TMED3: variants seen among roughly 807,000 people sequenced by gnomAD.
The protein encoded by TMED3 is transmembrane emp24 domain-containing protein 3.
A neutral mutation model predicts 15.0 loss-of-function variants in TMED3; 9 were observed. That is an observed-to-expected ratio of 0.60 (90% CI 0.36 to 1.04). The LOEUF (loss-of-function observed/expected upper bound fraction) is 1.04. Among genes scored for constraint, TMED3 ranks in the 50% least tolerant of loss-of-function variants. TMED3 has a pLI of 0.01. For synonymous variants in TMED3, 117 were observed against 121.4 expected (o/e 0.96, Z 0.24); for missense variants, 267 against 278.9 (o/e 0.96, Z 0.30).
intron 2 of TMED3, among the ~76,000 whole-genome samples, chr15:79,386,756 CCAGA>C (rs1198530710): frequency 7.2e-6 from 1 of 138,348 alleles, no homozygotes; most frequent in Non-Finnish European, 1.5e-5. Flanking sequence ...ACCATGTTGG[CCAGA>C]CTGGTCTTGA....
chr15:79,384,733 A>C (rs1244404821), intron 2 of TMED3: 1 of 152,254 alleles, frequency 6.6e-6, no homozygotes, highest in Non-Finnish European at 1.5e-5. Context: ...ATATTTTTAA[A>C]AACCCAGTCT....
At chr15:79,353,056 TGTATATATAAAA>T (rs1266871415) in intron 2 of TMED3, among the ~76,000 whole-genome samples, 4 of 104,472 alleles carry the variant, frequency 3.8e-5, no homozygotes, top group African/African-American at 4.0e-5. Flanking sequence ...ATATAAAAAA[TGTATATATAAAA>T]ATATATATTA....
chr15:79,343,225 A>G (rs2058857711), intron 2 of TMED3, among the ~76,000 whole-genome samples: 1 of 152,176 alleles, frequency 6.6e-6, no homozygotes, highest in South Asian at 2.1e-4. Flanking sequence ...AACCTCCATC[A>G]CCAAGACACT....
chr15:79,410,923 T>C (rs1893970743), intron 2 of TMED3, among the ~76,000 whole-genome samples: 1 of 152,190 alleles, frequency 6.6e-6, no homozygotes, highest in African/African-American at 2.4e-5. Context: ...ATCTATACGA[T>C]AGTGTTTTAT....
chr15:79,332,090 G>T (rs930027071), intron 2 of TMED3, among the ~76,000 whole-genome samples: 1 of 152,066 alleles, frequency 6.6e-6, no homozygotes, highest in Non-Finnish European at 1.5e-5. Flanking sequence ...AGAAAAGGAT[G>T]AAAAAGACTT....
chr15:79,362,124 T>C (rs1893141771), intron 2 of TMED3, among the ~76,000 whole-genome samples: 1 of 152,100 alleles, frequency 6.6e-6, no homozygotes, highest in Non-Finnish European at 1.5e-5. Context: ...ATAATGCTAA[T>C]GAAAATCCCA....
intron 2 of TMED3, among the ~76,000 whole-genome samples, chr15:79,389,779 A>G (rs1893673890): frequency 6.6e-6 from 1 of 151,718 alleles, no homozygotes; most frequent in South Asian, 2.1e-4. Flanking sequence ...AGCAGTGTTT[A>G]GTTTTTCTTG....
At chr15:79,340,680 G>A (rs575246471) in intron 2 of TMED3, among the ~76,000 whole-genome samples, 4 of 152,286 alleles carry the variant, frequency 2.6e-5, no homozygotes, top group South Asian at 2.1e-4. Context: ...TTCTCATTAT[G>A]TCAATTATGA....
chr15:79,350,962 AGAGATAT>A (rs1327004001), intron 2 of TMED3, among the ~76,000 whole-genome samples: 6 of 152,166 alleles, frequency 3.9e-5, no homozygotes, highest in African/African-American at 7.2e-5. Context: ...TCAAATTAGA[AGAGATAT>A]GGGTTATGGT....
chr15:79,353,632 A>G (rs1270262121), intron 2 of TMED3, among the ~76,000 whole-genome samples: 2 of 150,260 alleles, frequency 1.3e-5, no homozygotes, highest in Non-Finnish European at 3.0e-5. Context: ...CAATTCTAAA[A>G]GATAATCATC....
intron 2 of TMED3, among the ~76,000 whole-genome samples, chr15:79,395,648 C>T (rs927521294): frequency 6.6e-6 from 1 of 152,154 alleles, no homozygotes; most frequent in Non-Finnish European, 1.5e-5. Context: ...TGCCCTTTAA[C>T]ACGAAAATAT....
intron 2 of TMED3, among the ~76,000 whole-genome samples, chr15:79,339,625 T>C (rs2058842323): frequency 1.3e-5 from 2 of 152,134 alleles, no homozygotes; most frequent in African/African-American, 4.8e-5. Context: ...GTGGCAGTGA[T>C]GGTGGCGGCA....
intron 2 of TMED3, among the ~76,000 whole-genome samples, chr15:79,376,153 A>G (rs939779218): frequency 2.3e-5 from 3 of 131,874 alleles, no homozygotes; most frequent in Admixed American, 8.6e-5. Context: ...TCTGTCGCCC[A>G]GGCTGGAGTG....
downstream of TMED3, among the ~76,000 whole-genome samples, chr15:79,323,364 A>G (rs7167282): frequency 0.99 from 150,771 of 152,338 alleles, 74,634 homozygotes; most frequent in East Asian, 1. Context: ...GAAAGGAAGC[A>G]AAATAATCTC....
intron 2 of TMED3, among the ~76,000 whole-genome samples, chr15:79,376,031 T>A (rs1013007171): frequency 6.6e-6 from 1 of 151,704 alleles, no homozygotes; most frequent in African/African-American, 2.4e-5. Flanking sequence ...CTCCTTTGCT[T>A]ATCACTTCCA....
At chr15:79,350,367 T>C (rs1204862529) in intron 2 of TMED3, among the ~76,000 whole-genome samples, 1 of 152,078 alleles carries the variant, frequency 6.6e-6, no homozygotes, top group East Asian at 1.9e-4. Flanking sequence ...AGGAAGCCAG[T>C]CCGAGTCCCA....
At chr15:79,320,140 G>C (rs1425887707) in intron 2 of TMED3, among the ~76,000 whole-genome samples, 2 of 152,148 alleles carry the variant, frequency 1.3e-5, no homozygotes. Flanking sequence ...AGTCCACTTG[G>C]CAATGGGCGT....
chr15:79,369,726 C>T (rs79183586), intron 2 of TMED3, among the ~76,000 whole-genome samples: 1,835 of 152,274 alleles, frequency 0.012, 85 homozygotes, highest in East Asian at 0.11. Flanking sequence ...ATCATTGGCC[C>T]TGAGTAGCCC....
chr15:79,324,345 T>C (rs769034689), downstream of TMED3, among the ~76,000 whole-genome samples: 2 of 152,220 alleles, frequency 1.3e-5, no homozygotes, highest in Non-Finnish European at 2.9e-5. Flanking sequence ...ATATGAAACA[T>C]TTTGAAATTG....
Sources: gnomAD v4.1 joint callset for allele counts (sites outside exome capture counted in the v4.1 genomes callset) on GRCh38, gnomAD v4.1.1 for gene constraint, MANE v1.5 for transcripts, NCBI Gene and HGNC (gene_info 2026-07-23, HGNC 2026-07-21) for gene names.